Variants in NRP1 observed in about 807,000 individuals in gnomAD.
NRP1 encodes the protein neuropilin 1.
Under a neutral mutation model 106.7 loss-of-function variants are expected in NRP1, and 35 were observed. The observed-to-expected ratio is 0.33, with a 90% CI of 0.25 to 0.43. NRP1 has a LOEUF of 0.43. NRP1 is among the 20% of genes least tolerant of loss of function. The probability of loss-of-function intolerance (pLI) is 1.00; values close to 1 mark genes in which losing one functional copy is unlikely to be tolerated. For synonymous variants in NRP1, 437 were observed against 417.9 expected (o/e 1.05, Z -0.56); for missense variants, 1,024 against 1,170.4 (o/e 0.87, Z 1.83).
At chr10:33,219,549 T>C (rs892176253) in intron 8 of NRP1, among the ~76,000 whole-genome samples, 3 of 152,250 alleles carry the variant, frequency 2.0e-5, no homozygotes, top group Non-Finnish European at 4.4e-5. Context: ...TAATTATGTA[T>C]GAAAATATTA....
intron 2 of NRP1, among the ~76,000 whole-genome samples, chr10:33,279,378 G>T (rs958437110): frequency 1.3e-5 from 2 of 152,206 alleles, no homozygotes; most frequent in African/African-American, 2.4e-5. Context: ...TCAGGTTCTT[G>T]CAGCTGCAGG....
At chr10:33,217,829 ATTGAGGTCG>A (rs1838900265) in intron 8 of NRP1, among the ~76,000 whole-genome samples, 1 of 152,168 alleles carries the variant, frequency 6.6e-6, no homozygotes, top group South Asian at 2.1e-4. Context: ...GTAATGGAGG[ATTGAGGTCG>A]TTATTTTCAG....
At chr10:33,232,023 T>C (rs1840177027) in intron 6 of NRP1, among the ~76,000 whole-genome samples, 1 of 152,166 alleles carries the variant, frequency 6.6e-6, no homozygotes, top group East Asian at 1.9e-4. Context: ...GAAGTTGAAA[T>C]GATCAGTAGT....
chr10:33,222,726 G>C (rs1839361433), intron 7 of NRP1, among the ~76,000 whole-genome samples: 2 of 152,204 alleles, frequency 1.3e-5, no homozygotes, highest in African/African-American at 2.4e-5. Flanking sequence ...TCACCATGTT[G>C]GTTGGCCAGG....
At chr10:33,214,722 T>C (rs558569014) in intron 8 of NRP1, among the ~76,000 whole-genome samples, 48 of 152,286 alleles carry the variant, frequency 3.2e-4, no homozygotes, top group Non-Finnish European at 5.4e-4. Flanking sequence ...ACAAATATGG[T>C]CTGATTCCAT....
Position 33,198,148 on chromosome 10 carries a change from T to TA in NRP1, c.1865-440_1865-439insT, listed in dbSNP as rs199552481. 7.1e-4 allele frequency among the ~76,000 whole-genome samples: 107 copies of TA among 149,680 alleles called. No homozygotes were observed. In the Middle Eastern group the frequency reaches 0.014, roughly 19 times the overall value. ...TTCTTTTTTTTAAATTTTTAAATTTTTTTTTTTTTTTGAGATGGAGTCTCA... is the reference window on the plus strand; with the variant it reads ...TTCTTTTTTTTAAATTTTTAAATTTTATTTTTTTTTTTGAGATGGAGTCTCA... On this transcript the variant is annotated intron_variant, in intron 11 of 16. Coordinates refer to ENST00000374867, the MANE Select transcript of NRP1 (RefSeq NM_003873.7).
chr10:33,322,322 T>C (rs1037461744), intron 2 of NRP1, among the ~76,000 whole-genome samples: 1 of 152,190 alleles, frequency 6.6e-6, no homozygotes, highest in African/African-American at 2.4e-5. Flanking sequence ...AGAATTTAGA[T>C]ATTTACTCCC....
chr10:33,247,293 C>T (rs972835029), intron 6 of NRP1, among the ~76,000 whole-genome samples: 6 of 150,784 alleles, frequency 4.0e-5, no homozygotes, highest in African/African-American at 1.2e-4. Context: ...TAAGTTATTT[C>T]ACTCCATTTG....
chr10:33,274,542 T>G (rs1843546588), intron 2 of NRP1, among the ~76,000 whole-genome samples: 1 of 152,168 alleles, frequency 6.6e-6, no homozygotes, highest in African/African-American at 2.4e-5. Flanking sequence ...TGAGGCTTTA[T>G]AGGTATGTGG....
rs774636057 is a variant in NRP1, at chr10:33,177,652, AAAC to A, written c.*2421_*2423del. The A allele has an allele frequency of 3.3e-5, 5 of 152,794 alleles. No homozygotes were observed. Among genetic ancestry groups the A allele is most frequent in the African/African-American group, 4.8e-5 (2 of 41,592 alleles). 9.5% of individuals were successfully genotyped at this position (152,794 alleles called of 1,614,324 possible). Reference sequence around the variant, plus strand: ...AGTTAAGGCTTCGCTGTTCATTTTGAAACAACAATTTACAAGTGTCATATTGTC... The same window carrying A: ...AGTTAAGGCTTCGCTGTTCATTTTGAAACAATTTACAAGTGTCATATTGTC... On this transcript the variant is annotated 3_prime_UTR_variant, in exon 17 of 17. Coordinates refer to ENST00000374867, the MANE Select transcript of NRP1 (RefSeq NM_003873.7).
At chr10:33,289,762 C>G (rs1844851522) in intron 2 of NRP1, among the ~76,000 whole-genome samples, 1 of 152,162 alleles carries the variant, frequency 6.6e-6, no homozygotes, top group Non-Finnish European at 1.5e-5. Flanking sequence ...CAATTAGGCA[C>G]CAAGCATCAA....
chr10:33,216,287 G>T (rs1200096783), intron 8 of NRP1, among the ~76,000 whole-genome samples: 6 of 151,568 alleles, frequency 4.0e-5, no homozygotes, highest in Non-Finnish European at 7.4e-5. Context: ...CCAGGCGCCT[G>T]CCACCACGCC....
chr10:33,314,082 CCT>C (rs1400158611), intron 2 of NRP1, among the ~76,000 whole-genome samples: 12 of 130,908 alleles, frequency 9.2e-5, no homozygotes, highest in Admixed American at 1.5e-4. Context: ...CTCCCTCCCT[CCT>C]CTCTCTCTCT....
chr10:33,305,936 T>G (rs1162963568), intron 2 of NRP1, among the ~76,000 whole-genome samples: 1 of 151,744 alleles, frequency 6.6e-6, no homozygotes, highest in Non-Finnish European at 1.5e-5. Flanking sequence ...GCCCGGCTAA[T>G]TTTTGTATTT....
chr10:33,185,454 A>G (rs918168789), intron 15 of NRP1, among the ~76,000 whole-genome samples, 174 bp downstream of exon 15: 4 of 152,212 alleles, frequency 2.6e-5, no homozygotes, highest in Admixed American at 2.6e-4. Context: ...GGGCAGACAC[A>G]GGTAAATTGG....
At chr10:33,221,604 A>G in intron 8 of NRP1, 115 bp downstream of exon 8, 1 of 1,175,662 alleles carries the variant, frequency 8.5e-7, no homozygotes, top group East Asian at 2.4e-5. Flanking sequence ...TTTAATTGTC[A>G]AATAAAAATG....
At chr10:33,308,624 T>C (rs1846342186) in intron 2 of NRP1, among the ~76,000 whole-genome samples, 1 of 151,930 alleles carries the variant, frequency 6.6e-6, no homozygotes, top group South Asian at 2.1e-4. Flanking sequence ...GTAGCTGGGA[T>C]TATGGGCATG....
chr10:33,316,520 C>T (rs1465017858), intron 2 of NRP1, among the ~76,000 whole-genome samples: 1 of 152,174 alleles, frequency 6.6e-6, no homozygotes, highest in Non-Finnish European at 1.5e-5. Flanking sequence ...ATTCAGGAAG[C>T]TAGGTATTAT....
At chr10:33,307,138 A>G (rs1484399121) in intron 2 of NRP1, among the ~76,000 whole-genome samples, 1 of 152,248 alleles carries the variant, frequency 6.6e-6, no homozygotes, top group African/African-American at 2.4e-5. Context: ...ATGATCCCAT[A>G]GGCTCAAATC....
Sources: allele counts gnomAD v4.1 joint callset (sites outside exome capture counted in the v4.1 genomes callset), GRCh38; gene constraint gnomAD v4.1.1; transcripts MANE v1.5; gene names NCBI Gene and HGNC (gene_info 2026-07-23, HGNC 2026-07-21).